CPLANE1: variants seen among roughly 807,000 people sequenced by gnomAD.
CPLANE1 encodes the protein ciliogenesis and planar polarity effector 1.
CPLANE1 carries 263 observed loss-of-function variants against 362.5 expected under a neutral mutation model. The observed-to-expected ratio is 0.73, with a 90% CI of 0.66 to 0.80. CPLANE1 has a LOEUF of 0.80. Ranked by LOEUF, CPLANE1 falls within the 30% of genes least tolerant of loss-of-function variation. The pLI is 0.00. For synonymous variants in CPLANE1, 1,212 were observed against 1,302.6 expected, an observed-to-expected ratio of 0.93 and a Z score of 1.50; for missense variants, 3,461 against 3,793.4, an observed-to-expected ratio of 0.91 and a Z score of 2.30.
the CPLANE1 span, among the ~76,000 whole-genome samples, chr5:37,098,630 A>G: frequency 2.6e-5 from 4 of 152,050 alleles, no homozygotes; most frequent in Non-Finnish European, 5.9e-5. Context: ...GCCATATGTT[A>G]GGCCACAAAA....
the CPLANE1 span, chr5:37,085,046 T>C: frequency 1.2e-5 from 8 of 673,322 alleles, 1 homozygote; most frequent in African/African-American, 1.4e-4. Flanking sequence ...TTTCCTTGCC[T>C]AATGCAGCCA....
chr5:37,139,292 T>C, intron 45 of CPLANE1, 48 bp downstream of exon 45: 1 of 1,384,766 alleles, frequency 7.2e-7, no homozygotes, highest in Non-Finnish European at 9.8e-7. Flanking sequence ...TTTCACTATC[T>C]ACACCCAACT....
In CPLANE1 at chr5:37,182,976, T is replaced by G. The variant is rs1319499094; in HGVS notation, c.5205A>C (p.Leu1735Phe). The G allele has an allele frequency of 2.5e-6, 4 of 1,609,032 alleles. No individual in the cohort carries two copies. The highest frequency in any genetic ancestry group is 3.4e-5 in the Admixed American group (2 of 59,374). Residue 1735 changes from leucine to phenylalanine, a missense_variant, in exon 26 of 53, where the codon TTA becomes TTC. Physicochemically the swap from Leu to Phe is conservative, Grantham distance 22. Transcript: ENST00000651892. ...NDINPQEDLP[L>F]ALNTFGSIGR... Reference sequence around the variant, plus strand: ...CTATACTGCCAAAAGTGTTTAGTGCTAAAGGAAGATCTTCTTGAGGGTTAA... The same window carrying G: ...CTATACTGCCAAAAGTGTTTAGTGCGAAAGGAAGATCTTCTTGAGGGTTAA...
At chr5:37,238,492 T>TC (rs70976287) in intron 8 of CPLANE1, among the ~76,000 whole-genome samples, 10,103 of 111,260 alleles carry the variant, frequency 0.091, 426 homozygotes, top group East Asian at 0.25. Flanking sequence ...CTTTTCTTTT[T>TC]TTTTTTTTTT....
intron 38 of CPLANE1, among the ~76,000 whole-genome samples, chr5:37,162,204 G>A (rs1314588469): frequency 6.6e-6 from 1 of 152,234 alleles, no homozygotes; most frequent in African/African-American, 2.4e-5. Flanking sequence ...ATAACATAGA[G>A]AATCCAAATT....
chr5:37,228,304 A>G (rs910310167), intron 9 of CPLANE1, among the ~76,000 whole-genome samples: 1 of 152,152 alleles, frequency 6.6e-6, no homozygotes, highest in African/African-American at 2.4e-5. Context: ...TAAACATACA[A>G]TATTGTTATT....
intron 45 of CPLANE1, among the ~76,000 whole-genome samples, 172 bp downstream of exon 45, chr5:37,139,168 G>T (rs1162325586): frequency 2.0e-5 from 3 of 152,080 alleles, no homozygotes; most frequent in Non-Finnish European, 4.4e-5. Flanking sequence ...AAAACAGTAA[G>T]AGATATAACA....
At chr5:37,218,310 T>C (rs1194503418) in intron 15 of CPLANE1, among the ~76,000 whole-genome samples, 2 of 152,144 alleles carry the variant, frequency 1.3e-5, no homozygotes, top group South Asian at 2.1e-4. Flanking sequence ...AGCCCCCCAA[T>C]TAAAAACCCT....
intron 47 of CPLANE1, chr5:37,124,744 G>T: frequency 3.8e-6 from 1 of 264,494 alleles, no homozygotes; most frequent in Non-Finnish European, 5.8e-6. Context: ...TTGTAGAGAT[G>T]AGATCTCATG....
At chr5:37,140,573 G>C (rs777868488) in intron 44 of CPLANE1, 1 of 985,400 alleles carries the variant, frequency 1.0e-6, no homozygotes, top group Non-Finnish European at 1.2e-6. Context: ...CCATTAAAGA[G>C]ACACTTTCTA....
At chr5:37,158,521 T>C (rs1009616248) in intron 38 of CPLANE1, among the ~76,000 whole-genome samples, 176 bp from the exon 39 acceptor site, 1 of 152,188 alleles carries the variant, frequency 6.6e-6, no homozygotes, top group Non-Finnish European at 1.5e-5. Flanking sequence ...TAAGGGCAAT[T>C]TAAAGTAATT....
chr5:37,169,003 G>C lies in CPLANE1; in HGVS notation c.7021C>G (p.Leu2341Val). 2 of 1,614,076 alleles carry C rather than the reference G, an allele frequency of 1.2e-6. No individual in the cohort carries two copies. Among genetic ancestry groups the C allele is most frequent in the Non-Finnish European group, 1.7e-6 (2 of 1,179,994 alleles). The change falls in exon 34 of 53, where the codon CTA becomes GTA. Residue 2341 changes from leucine to valine, a missense_variant. By Grantham distance (32) the Leu-to-Val change is conservative. Around this residue, in one of 2 missense-constraint regions of CPLANE1, gnomAD observed 3,380 missense variants for 3,666.1 expected, o/e 0.92. Coordinates refer to ENST00000651892, the MANE Select transcript of CPLANE1 (RefSeq NM_001384732.1). ...AGGGTCCCTGGCTTAACATCAAATA[G>C]TTTTTCTGGTTTTATAAACACTGAA... is the stretch of plus-strand genomic sequence containing the variant. ...DSSVFIKPEK[L>V]FDVKPGTLEI...
chr5:37,200,343 C>T (rs1414531200), intron 19 of CPLANE1, among the ~76,000 whole-genome samples: 1 of 152,198 alleles, frequency 6.6e-6, no homozygotes, highest in Non-Finnish European at 1.5e-5. Context: ...ACTCAAACTA[C>T]TCGAACTATT....
chr5:37,154,731 C>T lies in CPLANE1; in HGVS notation c.8120-738G>A, dbSNP rs533285992. Among the ~76,000 whole-genome samples, 148 of 152,244 alleles carry T rather than the reference C, an allele frequency of 9.7e-4. 1 individual carries two copies. The highest frequency in any genetic ancestry group is 7.8e-3 in the Admixed American group (120 of 15,290). ...TTCCTGGGCTGCCAGCCTCAACTCA[C>T]TTCTCTACTCACTCTTCCCACTTTC... On this transcript the variant is annotated intron_variant, in intron 41 of 52. Transcript: ENST00000651892.
At chr5:37,149,573 C>G (rs1227742066) in intron 42 of CPLANE1, among the ~76,000 whole-genome samples, 1 of 152,058 alleles carries the variant, frequency 6.6e-6, no homozygotes, top group Non-Finnish European at 1.5e-5. Flanking sequence ...ATGTTTTTTT[C>G]TATGCGTACA....
chr5:37,180,461 T>C (rs901536164), intron 27 of CPLANE1, among the ~76,000 whole-genome samples: 9 of 152,212 alleles, frequency 5.9e-5, no homozygotes, highest in African/African-American at 1.7e-4. Context: ...ACTCGAATGA[T>C]TGGAATAATT....
chr5:37,081,146 TA>T, the CPLANE1 span, among the ~76,000 whole-genome samples: 1 of 151,816 alleles, frequency 6.6e-6, no homozygotes, highest in Non-Finnish European at 1.5e-5. Flanking sequence ...GTCTCATAAG[TA>T]AATAAATAAA....
chr5:37,188,618 A>T (rs1320053582), intron 21 of CPLANE1, among the ~76,000 whole-genome samples: 1 of 152,182 alleles, frequency 6.6e-6, no homozygotes. Flanking sequence ...AAGATTCCTT[A>T]AAAAACTCAA....
the CPLANE1 span, among the ~76,000 whole-genome samples, chr5:37,081,090 C>T: frequency 2.0e-5 from 3 of 151,988 alleles, no homozygotes; most frequent in Non-Finnish European, 4.4e-5. Context: ...GAGGATCACT[C>T]GAGGCTAAGA....
Sources: allele counts gnomAD v4.1 joint callset (sites outside exome capture counted in the v4.1 genomes callset), GRCh38; gene constraint gnomAD v4.1.1; regional missense constraint gnomAD v4.1.1; transcripts MANE v1.5; gene names NCBI Gene and HGNC (gene_info 2026-07-23, HGNC 2026-07-21).